Variants in OPCML observed in about 807,000 individuals in gnomAD.
OPCML encodes opioid-binding protein/cell adhesion molecule.
Under a neutral mutation model 37.8 loss-of-function variants are expected in OPCML, and 13 were observed. The observed-to-expected ratio is 0.34, with a 90% CI of 0.22 to 0.55. The LOEUF (loss-of-function observed/expected upper bound fraction) is 0.55, where lower values mean the gene tolerates loss of function less well. OPCML is among the 20% of genes least tolerant of loss of function. The probability of loss-of-function intolerance (pLI) is 0.91; values close to 1 mark genes in which losing one functional copy is unlikely to be tolerated. For synonymous variants in OPCML, 176 were observed against 168.8 expected, an observed-to-expected ratio of 1.04 and a Z score of -0.33; for missense variants, 341 against 435.6, an observed-to-expected ratio of 0.78 and a Z score of 1.93.
chr11:133,318,682 TCGC>T (rs1565569126), intron 1 of OPCML, among the ~76,000 whole-genome samples: 1 of 152,194 alleles, frequency 6.6e-6, no homozygotes, highest in Non-Finnish European at 1.5e-5. Context: ...GTTCACCCTG[TCGC>T]ATTTAGTGCA....
chr11:132,754,561 T>C (rs534944303), intron 2 of OPCML, among the ~76,000 whole-genome samples: 61 of 152,180 alleles, frequency 4.0e-4, no homozygotes, highest in African/African-American at 1.1e-3. Flanking sequence ...ATCAGCAGAA[T>C]GAAAACAGAC....
At chr11:133,351,647 G>A (rs1944139320) in intron 1 of OPCML, among the ~76,000 whole-genome samples, 1 of 152,068 alleles carries the variant, frequency 6.6e-6, no homozygotes, top group African/African-American at 2.4e-5. Context: ...GAAATCCCAT[G>A]GTTTTAAATG....
chr11:132,552,801 C>T (rs1344953292), intron 3 of OPCML, among the ~76,000 whole-genome samples: 2 of 88,962 alleles, frequency 2.2e-5, no homozygotes, highest in African/African-American at 6.0e-5. Context: ...GAGTCTCGCT[C>T]TGTCTCCCAG....
At chr11:133,151,714 T>C (rs777353929) in intron 1 of OPCML, among the ~76,000 whole-genome samples, 1 of 152,188 alleles carries the variant, frequency 6.6e-6, no homozygotes, top group Non-Finnish European at 1.5e-5. Flanking sequence ...TGGACACTGC[T>C]CCTGGTTCCC....
At chr11:132,596,096 G>A (rs1033810550) in intron 3 of OPCML, among the ~76,000 whole-genome samples, 1 of 152,168 alleles carries the variant, frequency 6.6e-6, no homozygotes, top group Non-Finnish European at 1.5e-5. Context: ...CCCAGAGATT[G>A]GATTTTCACA....
At chr11:133,141,006 C>CGAAGACGAA (rs1420293000) in intron 1 of OPCML, among the ~76,000 whole-genome samples, 68 of 5,626 alleles carry the variant, frequency 0.012, 10 homozygotes, top group African/African-American at 0.02. Flanking sequence ...AAGACGACGA[C>CGAAGACGAA]GACGACGACG....
chr11:133,330,343 C>A (rs1173950932), intron 1 of OPCML, among the ~76,000 whole-genome samples: 2 of 152,142 alleles, frequency 1.3e-5, no homozygotes, highest in African/African-American at 2.4e-5. Context: ...TGGGTGTATA[C>A]CCAAAGGATT....
chr11:133,396,275 A>T (rs11223464), intron 1 of OPCML, among the ~76,000 whole-genome samples: 17,689 of 151,952 alleles, frequency 0.12, 1,341 homozygotes, highest in South Asian at 0.17. Flanking sequence ...TTGTAAATTT[A>T]CTTATTAGTT....
rs79887849 is a variant in OPCML, at chr11:132,533,582, C to T, written c.380-4396G>A. 6.2e-4 allele frequency among the ~76,000 whole-genome samples: 95 copies of T among 152,296 alleles called. 1 individual carries two copies. In the East Asian group the frequency reaches 0.015, roughly 24 times the overall value. ...CTTGCTAAAGACGGAAGGTCTAAAA[C>T]TTCTTAGCAGGATTTACAAAACCAT... On this transcript the variant is annotated intron_variant, in intron 3 of 7. Transcript: ENST00000524381.
rs141834195 is a variant in OPCML at position 132,971,834 on chromosome 11, T to C, written c.62-28824A>G. On this transcript the variant is annotated intron_variant, in intron 1 of 7. Coordinates refer to ENST00000524381, the MANE Select transcript of OPCML (RefSeq NM_001012393.5). ...TTTATTATCTACTCCCAAATCTAGA[T>C]ATGTGGGCCCTAAAACCACTAGACC... 3.8e-3 allele frequency among the ~76,000 whole-genome samples: 571 copies of C among 152,254 alleles called. 1 individual carries two copies. Among genetic ancestry groups the C allele is most frequent in the Non-Finnish European group, 6.9e-3 (466 of 68,010 alleles).
At chr11:133,375,638 T>C (rs1250513091) in intron 1 of OPCML, among the ~76,000 whole-genome samples, 2 of 152,156 alleles carry the variant, frequency 1.3e-5, no homozygotes, top group African/African-American at 4.8e-5. Context: ...CCTACTATAC[T>C]CTGCCTTCTC....
chr11:132,668,159 G>T (rs906472372), intron 2 of OPCML, among the ~76,000 whole-genome samples: 2 of 152,184 alleles, frequency 1.3e-5, no homozygotes, highest in Non-Finnish European at 2.9e-5. Context: ...GTTGAAATAA[G>T]TGTGAAATGA....
intron 1 of OPCML, among the ~76,000 whole-genome samples, chr11:132,952,756 C>T (rs1565363980): frequency 1.3e-5 from 2 of 152,230 alleles, no homozygotes; most frequent in South Asian, 4.1e-4. Context: ...TGCATGAGAG[C>T]TTCCTCACAG....
chr11:132,789,204 A>C (rs1937731397), intron 2 of OPCML, among the ~76,000 whole-genome samples: 1 of 152,140 alleles, frequency 6.6e-6, no homozygotes, highest in Non-Finnish European at 1.5e-5. Flanking sequence ...ATAACACCCC[A>C]CATAATGTCT....
At chr11:132,502,291 A>G (rs1592274683) in intron 4 of OPCML, among the ~76,000 whole-genome samples, 1 of 151,592 alleles carries the variant, frequency 6.6e-6, no homozygotes, top group African/African-American at 2.4e-5. Context: ...CTTCCCTTCC[A>G]TTTTTACTTT....
At chr11:133,172,901 G>A (rs1041384204) in intron 1 of OPCML, among the ~76,000 whole-genome samples, 4 of 152,160 alleles carry the variant, frequency 2.6e-5, no homozygotes, top group Admixed American at 1.3e-4. Context: ...TACAACAAAT[G>A]TATAAGGTAA....
chr11:133,219,972 A>T (rs73027340), intron 1 of OPCML, among the ~76,000 whole-genome samples: 2,489 of 152,362 alleles, frequency 0.016, 37 homozygotes, highest in Non-Finnish European at 0.022. Flanking sequence ...CTGGCTGCAG[A>T]GATAGTTGCA....
At chr11:133,112,694 G>A (rs1406420795) in intron 1 of OPCML, among the ~76,000 whole-genome samples, 1 of 152,088 alleles carries the variant, frequency 6.6e-6, no homozygotes, top group Admixed American at 6.6e-5. Context: ...CTGGCCTAAG[G>A]AAGAGAACAG....
At chr11:132,853,700 A>G (rs181104377) in intron 2 of OPCML, among the ~76,000 whole-genome samples, 1 of 152,354 alleles carries the variant, frequency 6.6e-6, no homozygotes, top group Non-Finnish European at 1.5e-5. Context: ...ATTGTAAAGT[A>G]TATGTTCATG....
Sources: allele counts gnomAD v4.1 joint callset (sites outside exome capture counted in the v4.1 genomes callset), GRCh38; gene constraint gnomAD v4.1.1; transcripts MANE v1.5; gene names NCBI Gene and HGNC (gene_info 2026-07-23, HGNC 2026-07-21).